The following GPR137 variants were observed in gnomAD, a reference collection of about 807,000 sequenced individuals.
The protein encoded by GPR137 is G protein-coupled receptor 137, also known as integral membrane protein GPR137.
In GPR137, 20 loss-of-function variants were observed where a neutral mutation model predicts 38.9. The observed-to-expected ratio is 0.51, with a 90% CI of 0.36 to 0.75. The LOEUF (loss-of-function observed/expected upper bound fraction) is 0.75. Ranked by LOEUF, GPR137 falls within the 30% of genes least tolerant of loss-of-function variation. GPR137 has a pLI of 0.00. For synonymous variants in GPR137, 226 were observed against 235.8 expected (o/e 0.96, Z 0.38); for missense variants, 456 against 526.4 (o/e 0.87, Z 1.31).
chr11:64,279,252 G>A (rs566840494), intron 2 of GPR137, among the ~76,000 whole-genome samples: 1 of 152,186 alleles, frequency 6.6e-6, no homozygotes, highest in South Asian at 2.1e-4. Flanking sequence ...TGTGGATCAT[G>A]CCCCCGGGAC....
At chr11:64,285,069 C>A, upstream of GPR137, 1 of 1,088,590 alleles carries the variant, frequency 9.2e-7, no homozygotes, top group Non-Finnish European at 1.1e-6. Flanking sequence ...TTACTGCGGG[C>A]GAAGGCGCTT....
In GPR137 at chr11:64,286,633, C is replaced by G. The variant is rs766174876; in HGVS notation, c.109C>G (p.Leu37Val). Residue 37 changes from leucine to valine, a missense_variant, in exon 1 of 7, where the codon CTC (leucine) becomes GTC (valine). Transcript: ENST00000438980. ...TGCCTACACCACCCTGTATGCCCTG[C>G]TCTTCTTCTCCGTCTATGCCCAGCT... ...TAAYTTLYAL[L>V]FFSVYAQLWL... 1 of 1,613,976 alleles carries G rather than the reference C, an allele frequency of 6.2e-7. No individual in the cohort carries two copies. Among genetic ancestry groups the G allele is most frequent in the Non-Finnish European group, 8.5e-7 (1 of 1,179,996 alleles).
At chr11:64,285,362 C>T (rs541611240), upstream of GPR137, 170 of 985,164 alleles carry the variant, frequency 1.7e-4, 1 homozygote, top group East Asian at 7.2e-3. Flanking sequence ...GGCTTCACGC[C>T]TGGCAGGCGG....
upstream of GPR137, among the ~76,000 whole-genome samples, chr11:64,282,155 G>A (rs1178440620): frequency 6.6e-6 from 1 of 152,216 alleles, no homozygotes; most frequent in African/African-American, 2.4e-5. Context: ...TGACGCTTGG[G>A]TTCACCGAGG....
At chr11:64,284,925 G>A (rs1020607088), upstream of GPR137, 31 of 1,411,272 alleles carry the variant, frequency 2.2e-5, 1 homozygote, top group Admixed American at 2.4e-4. Context: ...ATTCTCTGGG[G>A]TCCCCATTTG....
At chr11:64,285,076 G>T (rs1591189265), upstream of GPR137, 1 of 1,084,916 alleles carries the variant, frequency 9.2e-7, no homozygotes, top group East Asian at 6.0e-5. Context: ...GGGCGAAGGC[G>T]CTTGGCACAG....
rs763791624 is a variant in GPR137 at position 64,288,705 on chromosome 11, C to T, written c.1015C>T (p.Arg339Trp). 3.8e-5 allele frequency: 60 copies of T among 1,567,304 alleles called. No homozygotes were observed. The highest frequency in any genetic ancestry group is 5.4e-5 in the African/African-American group (4 of 73,830). The change falls in exon 6 of 7, where the codon CGG (arginine) becomes TGG (tryptophan). Residue 339 changes from arginine to tryptophan, a missense_variant. Transcript: ENST00000438980. This position sits in a 1 kb window ranked among gnomAD's most constrained non-coding sequence, Gnocchi z 5.5. ...EDEGCSWEHSRGESTSMSGSL... is the reference protein window; with the variant it reads ...EDEGCSWEHSWGESTSMSGSL... ...TGAGGGCTGCTCCTGGGAGCACAGC[C>T]GGGGTGAGAGCACCAGGTAGGAGCC...
In GPR137 at chr11:64,288,393, C is replaced by T. The variant is rs2034383833; in HGVS notation, c.837C>T (p.Ile279=). 1 of 1,613,950 alleles carries T rather than the reference C, an allele frequency of 6.2e-7. No homozygotes were observed. Among genetic ancestry groups the T allele is most frequent in the African/African-American group, 1.3e-5 (1 of 75,050 alleles). Residue 279 remains isoleucine, a synonymous_variant, in exon 5 of 7, where the codon ATC becomes ATT. Coordinates refer to ENST00000438980, the MANE Select transcript of GPR137 (RefSeq NM_001170880.2). This position sits in a 1 kb window ranked among gnomAD's most constrained non-coding sequence, Gnocchi z 5.5. ...AAGGCTACCTGGTATTTGGCCTCAT[C>T]CTCTTCGTGTGGGAGCTACTGCCCA... ...GNKGYLVFGL[I]LFVWELLPTT...
chr11:64,273,354 C>G (rs1220187776), upstream of GPR137, among the ~76,000 whole-genome samples: 1 of 152,056 alleles, frequency 6.6e-6, no homozygotes, highest in Non-Finnish European at 1.5e-5. Flanking sequence ...GCCTGGGTGG[C>G]AGAGCGAGAC....
intron 2 of GPR137, among the ~76,000 whole-genome samples, chr11:64,278,960 A>G (rs534978415): frequency 2.0e-5 from 3 of 152,280 alleles, no homozygotes; most frequent in Non-Finnish European, 4.4e-5. Context: ...AAAGGTTAAG[A>G]AATCCAGCTC....
chr11:64,289,464 G>C lies in GPR137; in HGVS notation c.*268G>C, dbSNP rs776905944. 323 of 1,496,210 alleles carry C rather than the reference G, an allele frequency of 2.2e-4. No individual in the cohort carries two copies. The highest frequency in any genetic ancestry group is 2.8e-4 in the Non-Finnish European group (316 of 1,127,338). The allele number at this position is 1,496,210 out of a possible 1,614,324, so 92.7% of individuals were successfully genotyped here. The stretch of plus-strand genomic sequence containing the variant: ...GGAGCCAGCTACCTCTCCTGTGCCT[G>C]CCACTCAATAAACAGTGTCTGCGCC... On this transcript the variant is annotated 3_prime_UTR_variant, in exon 7 of 7. Coordinates refer to ENST00000438980, the MANE Select transcript of GPR137 (RefSeq NM_001170880.2).
chr11:64,287,757 G>A lies in GPR137; in HGVS notation c.444G>A (p.Leu148=), dbSNP rs2034270787. The A allele has an allele frequency of 2.5e-6, 4 of 1,606,536 alleles. No individual in the cohort carries two copies. The highest frequency in any genetic ancestry group is 3.4e-6 in the Non-Finnish European group (4 of 1,179,926). The change falls in exon 3 of 7, where the codon CTG becomes CTA. Residue 148 remains leucine, a synonymous_variant. Transcript: ENST00000438980. ...AVRGAFVGAS[L]LFLLVNVLCA... ...GAGGGGCCTTTGTGGGGGCCTCGCT[G>A]CTCTTTCTGCTGGTGAACGTGCTGT... is the stretch of plus-strand genomic sequence containing the variant.
In GPR137 at chr11:64,289,091, G is replaced by A. The variant is rs747052522; in HGVS notation, c.1086G>A (p.Pro362=). Residue 362 remains proline (P), a synonymous_variant, in exon 7 of 7, where the codon CCG becomes CCA. Transcript: ENST00000438980. Reference sequence around the variant, plus strand: ...GGTATGGTGCCATCGGGCGTGAGCCGGGCTGGTATGGGGGCAGCCAGACGA... The same window carrying A: ...GGTATGGTGCCATCGGGCGTGAGCCAGGCTGGTATGGGGGCAGCCAGACGA... ...GSWYGAIGRE[P]GWYGGSQTKT... The A allele has an allele frequency of 1.8e-5, 29 of 1,611,218 alleles. No individual in the cohort carries two copies. The highest frequency in any genetic ancestry group is 2.0e-5 in the Non-Finnish European group (24 of 1,179,558).
upstream of GPR137, chr11:64,285,393 G>A (rs1367879736): frequency 8.1e-6 from 8 of 984,984 alleles, no homozygotes; most frequent in Non-Finnish European, 9.6e-6. Context: ...GAGCAGGGCC[G>A]CGGGCGCGCC....
intron 2 of GPR137, chr11:64,287,352 T>C (rs1351971789): frequency 1.0e-5 from 10 of 964,708 alleles, no homozygotes; most frequent in Non-Finnish European, 1.2e-5. Flanking sequence ...ATTTGTACAG[T>C]GTCTTACGGT....
upstream of GPR137, chr11:64,271,732 C>T (rs2032631638): frequency 6.9e-7 from 1 of 1,448,780 alleles, no homozygotes; most frequent in Non-Finnish European, 9.1e-7. Context: ...GGCTCCTCCC[C>T]CATCCCTTCG....
rs752598687 is a variant in GPR137 at position 64,287,916 on chromosome 11, G to T, written c.603G>T (p.Ala201=). ...GCCTCTGCCTCGTCGCCAGGCGGGC[G>T]CCCTCCACTAGCATCTACCTGGAGG... ...AACLCLVARR[A]PSTSIYLEAK... is the part of the protein sequence containing the mutation. The change falls in exon 3 of 7, where the codon GCG becomes GCT. Residue 201 remains alanine, a synonymous_variant. Coordinates refer to ENST00000438980, the MANE Select transcript of GPR137 (RefSeq NM_001170880.2). 253 of 1,601,614 alleles carry T rather than the reference G, an allele frequency of 1.6e-4. 2 individuals are homozygous for T. The Admixed American group carries it at 4.2e-3, about 26-fold the overall frequency.
At chr11:64,284,728 C>T, upstream of GPR137, 1 of 1,535,830 alleles carries the variant, frequency 6.5e-7, no homozygotes, top group South Asian at 1.2e-5. Flanking sequence ...GAACTGTCAG[C>T]GACCTGGCCC....
At chr11:64,285,674 C>T, upstream of GPR137, 1 of 985,190 alleles carries the variant, frequency 1.0e-6, no homozygotes, top group Non-Finnish European at 1.2e-6. Flanking sequence ...GCCCCCGCAA[C>T]TCGGCCGCCC....
Sources: allele counts gnomAD v4.1 joint callset (sites outside exome capture counted in the v4.1 genomes callset), GRCh38; gene constraint gnomAD v4.1.1; non-coding constraint Gnocchi (gnomAD v3.1); transcripts MANE v1.5; gene names NCBI Gene and HGNC (gene_info 2026-07-23, HGNC 2026-07-21).